Variants in KCNQ3 observed in about 807,000 individuals in gnomAD.
The protein encoded by KCNQ3 is potassium voltage-gated channel subfamily Q member 3.
Under a neutral mutation model 92.5 loss-of-function variants are expected in KCNQ3, and 30 were observed. That is an observed-to-expected ratio of 0.32 (90% CI 0.24 to 0.44). KCNQ3 has a LOEUF of 0.44. Ranked by LOEUF, KCNQ3 falls within the 20% of genes least tolerant of loss-of-function variation. KCNQ3 has a pLI of 1.00. For synonymous variants in KCNQ3, 450 were observed against 468.8 expected (o/e 0.96, Z 0.52); for missense variants, 913 against 1,140.3 (o/e 0.80, Z 2.87).
At position 132,120,951 on chromosome 8, in the gene KCNQ3, A is replaced by G. The variant is rs1242930726; in HGVS notation, c.*8311T>C. The G allele has an allele frequency of 6.6e-6, 1 of 152,242 alleles. No individual in the cohort carries two copies. Among genetic ancestry groups the G allele is most frequent in the Non-Finnish European group, 1.5e-5 (1 of 68,046 alleles). The allele number at this position is 152,242 out of a possible 1,614,324, so 9.4% of individuals were successfully genotyped here. ...GGTAAGAATTATTTGCATAATATATATGGAAATCAACCTATTAAAGTTGTT... is the reference window on the plus strand; with the variant it reads ...GGTAAGAATTATTTGCATAATATATGTGGAAATCAACCTATTAAAGTTGTT... On this transcript the variant is annotated 3_prime_UTR_variant, in exon 15 of 15. Coordinates refer to ENST00000388996, the MANE Select transcript of KCNQ3 (RefSeq NM_004519.4).
In KCNQ3 at chr8:132,480,250, G is replaced by T; in HGVS notation, c.283C>A (p.Arg95Ser). The change falls in exon 1 of 15, where the codon CGC becomes AGC. Residue 95 changes from arginine to serine, a missense_variant. Physicochemically the swap from Arg to Ser is moderately radical, Grantham distance 110. This residue lies in a region of KCNQ3 where 183 missense variants were observed against 167.7 expected (regional missense o/e 1.09). Transcript: ENST00000388996. ...IGLLAKTPLS[R>S]PVKRNNAKYR... ...TTGGCGTTGTTTCTCTTGACTGGGC[G>T]GCTCAGCGGGGTCTTGGCCAGGAGC... 4 of 1,612,838 alleles carry T rather than the reference G, an allele frequency of 2.5e-6. No individual in the cohort carries two copies. The highest frequency in any genetic ancestry group is 3.4e-6 in the Non-Finnish European group (4 of 1,179,360).
At chr8:132,305,785 C>T (rs1435966057) in intron 1 of KCNQ3, among the ~76,000 whole-genome samples, 3 of 152,138 alleles carry the variant, frequency 2.0e-5, no homozygotes, top group African/African-American at 7.2e-5. Flanking sequence ...AAATTGCTAG[C>T]TTCTGCCGCT....
chr8:132,229,173 G>T (rs1814543071), intron 1 of KCNQ3, among the ~76,000 whole-genome samples: 1 of 151,810 alleles, frequency 6.6e-6, no homozygotes, highest in Admixed American at 6.6e-5. Flanking sequence ...AGAATCACTT[G>T]AACCCGGGAG....
chr8:132,366,485 A>G (rs922191290), intron 1 of KCNQ3, among the ~76,000 whole-genome samples: 1 of 152,184 alleles, frequency 6.6e-6, no homozygotes, highest in Non-Finnish European at 1.5e-5. Context: ...TCAATTTTAA[A>G]TAATAGTGTT....
chr8:132,234,298 A>G (rs945410582), intron 1 of KCNQ3, among the ~76,000 whole-genome samples: 3 of 150,966 alleles, frequency 2.0e-5, no homozygotes, highest in Non-Finnish European at 4.4e-5. Context: ...CTCTTTTGGT[A>G]AGAAAGAGCA....
At position 132,129,765 on chromosome 8, in the gene KCNQ3, T is replaced by C; in HGVS notation, c.2116A>G (p.Lys706Glu). Residue 706 changes from lysine to glutamate, a missense_variant, in exon 15 of 15, where the codon AAA becomes GAA. Physicochemically the swap from Lys to Glu is moderately conservative, Grantham distance 56. Coordinates refer to ENST00000388996, the MANE Select transcript of KCNQ3 (RefSeq NM_004519.4). The surrounding 1 kb of genome is among the most constrained non-coding windows in gnomAD (Gnocchi z 5.9). ...PYSFHQVTID[K>E]VSPYGFFAHD... The stretch of plus-strand genomic sequence containing the variant: ...GCAAAAAACCCATAGGGGCTGACTT[T>C]GTCAATGGTCACCTGGTGGAAGCTG... 6.2e-7 allele frequency: 1 copy of C among 1,614,116 alleles called. No individual in the cohort carries two copies. The highest frequency in any genetic ancestry group is 1.1e-5 in the South Asian group (1 of 91,078).
chr8:132,141,356 AT>A, intron 9 of KCNQ3, 25 bp from the exon 10 acceptor site: 4 of 1,607,282 alleles, frequency 2.5e-6, no homozygotes, highest in Non-Finnish European at 2.6e-6. Flanking sequence ...AAAGTGAACA[AT>A]TTTCCTCCTT....
At chr8:132,228,785 A>G (rs1401894267) in intron 1 of KCNQ3, among the ~76,000 whole-genome samples, 2 of 151,408 alleles carry the variant, frequency 1.3e-5, no homozygotes, top group Non-Finnish European at 2.9e-5. Context: ...GAGGCAAGCG[A>G]AGAAAAGGAG....
intron 1 of KCNQ3, among the ~76,000 whole-genome samples, chr8:132,470,241 T>C (rs1352744247): frequency 6.6e-6 from 1 of 152,186 alleles, no homozygotes; most frequent in Non-Finnish European, 1.5e-5. Flanking sequence ...CTAAGGGCAA[T>C]GCCTGTCATC....
At chr8:132,252,703 G>A (rs1325760270) in intron 1 of KCNQ3, among the ~76,000 whole-genome samples, 2 of 152,150 alleles carry the variant, frequency 1.3e-5, no homozygotes, top group South Asian at 4.1e-4. Context: ...TACACACAGA[G>A]TGCTGATTGG....
At chr8:132,467,594 G>T (rs1822202698) in intron 1 of KCNQ3, among the ~76,000 whole-genome samples, 1 of 152,138 alleles carries the variant, frequency 6.6e-6, no homozygotes, top group African/African-American at 2.4e-5. Flanking sequence ...ATGTAGGGAT[G>T]CCTGATCCCT....
At chr8:132,478,535 A>T (rs1822465196) in intron 1 of KCNQ3, among the ~76,000 whole-genome samples, 1 of 152,154 alleles carries the variant, frequency 6.6e-6, no homozygotes, top group Non-Finnish European at 1.5e-5. Flanking sequence ...ATGTATTTTA[A>T]TGCTTTTTTT....
intron 1 of KCNQ3, among the ~76,000 whole-genome samples, chr8:132,369,550 C>T (rs1326169360): frequency 6.7e-6 from 1 of 150,144 alleles, no homozygotes; most frequent in Non-Finnish European, 1.5e-5. Flanking sequence ...CATGGTACTA[C>T]AAAGTAAGGA....
chr8:132,447,112 TG>T, intron 1 of KCNQ3: 1 of 1,138,284 alleles, frequency 8.8e-7, no homozygotes, highest in Non-Finnish European at 1.3e-6. Context: ...AAGCTATGCA[TG>T]TGGCTCTTTC....
chr8:132,263,062 A>G (rs1188406607), intron 1 of KCNQ3, among the ~76,000 whole-genome samples: 1 of 152,148 alleles, frequency 6.6e-6, no homozygotes, highest in Admixed American at 6.5e-5. Context: ...CTGACCCGAA[A>G]GCCAAAACTC....
intron 1 of KCNQ3, among the ~76,000 whole-genome samples, chr8:132,375,529 T>C (rs1050932615): frequency 2.6e-5 from 4 of 152,122 alleles, no homozygotes; most frequent in Non-Finnish European, 4.4e-5. Context: ...ATCATGAAAA[T>C]AGCTTTGACT....
intron 1 of KCNQ3, among the ~76,000 whole-genome samples, chr8:132,383,495 A>C (rs1213760449): frequency 6.6e-6 from 1 of 152,214 alleles, no homozygotes; most frequent in African/African-American, 2.4e-5. Context: ...AGAAGAAGGC[A>C]GTAACTACAG....
chr8:132,184,119 G>A (rs763349194), intron 3 of KCNQ3, 122 bp downstream of exon 3: 94 of 1,228,248 alleles, frequency 7.7e-5, no homozygotes, highest in Non-Finnish European at 1.1e-4. Flanking sequence ...AGCGTCAGGG[G>A]CTGAGCTGGC....
At chr8:132,440,555 C>T (rs16904685) in intron 1 of KCNQ3, among the ~76,000 whole-genome samples, 2 of 152,020 alleles carry the variant, frequency 1.3e-5, no homozygotes, top group Non-Finnish European at 2.9e-5. Flanking sequence ...CATTGTGCAG[C>T]GTAGTTCTCC....
Sources: gnomAD v4.1 joint callset for allele counts (sites outside exome capture counted in the v4.1 genomes callset) on GRCh38, gnomAD v4.1.1 for gene constraint, gnomAD v4.1.1 regional missense constraint, Gnocchi (gnomAD v3.1) non-coding constraint, MANE v1.5 for transcripts, NCBI Gene and HGNC (gene_info 2026-07-23, HGNC 2026-07-21) for gene names.